Variants in LRRN2 observed in about 807,000 individuals in gnomAD.
The protein encoded by LRRN2 is leucine rich repeat neuronal 2.
Under a neutral mutation model 35.7 loss-of-function variants are expected in LRRN2, and 10 were observed. The ratio of observed to expected loss-of-function variants is 0.28; its 90% CI spans 0.17 to 0.47. LRRN2 has a LOEUF of 0.47. Ranked by LOEUF, LRRN2 falls within the 20% of genes least tolerant of loss-of-function variation. The pLI, the probability that LRRN2 is intolerant of heterozygous loss-of-function variation, is 0.99. For missense variants in LRRN2, 731 were observed against 940.3 expected, an observed-to-expected ratio of 0.78 and a Z score of 2.91; for synonymous variants, 391 against 409.6, an observed-to-expected ratio of 0.95 and a Z score of 0.55.
At chr1:204,635,155 T>C (rs910783695) in intron 1 of LRRN2, among the ~76,000 whole-genome samples, 3 of 152,188 alleles carry the variant, frequency 2.0e-5, no homozygotes, top group Non-Finnish European at 2.9e-5. Flanking sequence ...GTTAGAGATA[T>C]ATGCATAAAA....
At chr1:204,683,533 T>TA (rs1471319149) in intron 1 of LRRN2, among the ~76,000 whole-genome samples, 1 of 152,002 alleles carries the variant, frequency 6.6e-6, no homozygotes, top group Non-Finnish European at 1.5e-5. Context: ...TGTGTTGAAT[T>TA]AGAGAGGGAA....
At chr1:204,661,916 C>T (rs1558419458) in intron 1 of LRRN2, among the ~76,000 whole-genome samples, 1 of 152,208 alleles carries the variant, frequency 6.6e-6, no homozygotes. Context: ...TGCACCCCTG[C>T]ACCCCTGCAC....
intron 1 of LRRN2, among the ~76,000 whole-genome samples, chr1:204,679,614 C>T (rs1173638700): frequency 2.0e-5 from 3 of 152,196 alleles, no homozygotes; most frequent in Admixed American, 6.5e-5. Flanking sequence ...CTGAAATACA[C>T]GAGTCTGCCT....
At chr1:204,621,384 A>C (rs1666883447) in intron 1 of LRRN2, 1 of 167,238 alleles carries the variant, frequency 6.0e-6, no homozygotes, top group East Asian at 1.9e-4. Flanking sequence ...TTCAACGCTC[A>C]ACTTTAAGTT....
At chr1:204,640,320 A>C (rs1667950918) in intron 1 of LRRN2, among the ~76,000 whole-genome samples, 1 of 152,006 alleles carries the variant, frequency 6.6e-6, no homozygotes. Context: ...TCATGAACCC[A>C]CCTCCCAAAG....
intron 1 of LRRN2, among the ~76,000 whole-genome samples, chr1:204,644,768 T>C (rs968550302): frequency 2.6e-5 from 4 of 152,200 alleles, no homozygotes; most frequent in African/African-American, 9.7e-5. Context: ...GGTCTGCACA[T>C]GGTCAGTGCT....
intron 1 of LRRN2, among the ~76,000 whole-genome samples, chr1:204,674,546 G>A (rs768750157): frequency 1.3e-5 from 2 of 152,188 alleles, no homozygotes; most frequent in Admixed American, 6.5e-5. Context: ...TTTTAGGCAA[G>A]GATCTGCCTC....
At chr1:204,678,042 A>G (rs1668864137) in intron 1 of LRRN2, among the ~76,000 whole-genome samples, 1 of 152,064 alleles carries the variant, frequency 6.6e-6, no homozygotes, top group East Asian at 1.9e-4. Flanking sequence ...GCAGAGTCGA[A>G]TCTACTCCAT....
intron 1 of LRRN2, among the ~76,000 whole-genome samples, chr1:204,622,578 A>C (rs1477423715): frequency 1.3e-5 from 2 of 152,164 alleles, no homozygotes; most frequent in Non-Finnish European, 2.9e-5. Flanking sequence ...ATACCTGTGC[A>C]AGGGGAACCC....
chr1:204,672,529 A>T (rs892379042), intron 1 of LRRN2, among the ~76,000 whole-genome samples: 1 of 152,172 alleles, frequency 6.6e-6, no homozygotes, highest in Non-Finnish European at 1.5e-5. Flanking sequence ...GATGCTCTCC[A>T]GGGCCCCAGC....
At chr1:204,682,182 T>C (rs4556419) in intron 1 of LRRN2, among the ~76,000 whole-genome samples, 39 of 152,214 alleles carry the variant, frequency 2.6e-4, no homozygotes, top group Non-Finnish European at 1.6e-4. Context: ...TCTACCTGAA[T>C]GCAGGTGGGG....
At chr1:204,663,967 A>G (rs1164991246) in intron 1 of LRRN2, 1 of 152,322 alleles carries the variant, frequency 6.6e-6, no homozygotes, top group African/African-American at 2.4e-5. Context: ...AGAAATGACC[A>G]CAAGCTCTGA....
intron 1 of LRRN2, among the ~76,000 whole-genome samples, chr1:204,681,922 G>A (rs575403855): frequency 1.3e-5 from 2 of 152,150 alleles, no homozygotes; most frequent in Admixed American, 6.5e-5. Flanking sequence ...TTGTTTCTCA[G>A]TTTATCTTCT....
intron 1 of LRRN2, among the ~76,000 whole-genome samples, chr1:204,645,972 C>G (rs538836112): frequency 1.3e-5 from 2 of 152,120 alleles, no homozygotes; most frequent in Non-Finnish European, 2.9e-5. Flanking sequence ...AGAGCCAAAC[C>G]ATATCACTAT....
chr1:204,680,752 G>T (rs1056106988), intron 1 of LRRN2, among the ~76,000 whole-genome samples: 2 of 152,210 alleles, frequency 1.3e-5, no homozygotes, highest in African/African-American at 4.8e-5. Flanking sequence ...GGACGTGTCA[G>T]CGGTGATGGT....
intron 1 of LRRN2, among the ~76,000 whole-genome samples, 156 bp downstream of exon 1, chr1:204,685,164 G>A (rs1669042783): frequency 6.6e-6 from 1 of 152,186 alleles, no homozygotes; most frequent in Non-Finnish European, 1.5e-5. Flanking sequence ...CCCGGGTCAG[G>A]CGGAGCTGCG....
At chr1:204,676,131 C>A (rs1668818134) in intron 1 of LRRN2, among the ~76,000 whole-genome samples, 1 of 139,896 alleles carries the variant, frequency 7.1e-6, no homozygotes, top group African/African-American at 2.8e-5. Flanking sequence ...TGCAAGGTTA[C>A]ATGGAGCCGT....
At chr1:204,648,629 C>T (rs56226454) in intron 1 of LRRN2, among the ~76,000 whole-genome samples, 1 of 152,214 alleles carries the variant, frequency 6.6e-6, no homozygotes, top group Non-Finnish European at 1.5e-5. Context: ...CTCGCCCCCC[C>T]ACCCAACCTA....
intron 1 of LRRN2, among the ~76,000 whole-genome samples, chr1:204,670,294 C>T (rs1258273694): frequency 1.3e-5 from 2 of 152,050 alleles, no homozygotes; most frequent in Non-Finnish European, 2.9e-5. Context: ...TGATGGCGTG[C>T]AGAACTGAGG....
Sources: gnomAD v4.1 joint callset for allele counts (sites outside exome capture counted in the v4.1 genomes callset) on GRCh38, gnomAD v4.1.1 for gene constraint, MANE v1.5 for transcripts, NCBI Gene and HGNC (gene_info 2026-07-23, HGNC 2026-07-21) for gene names.